DCAF10: variants seen among roughly 807,000 people sequenced by gnomAD.
DCAF10 encodes DDB1- and CUL4-associated factor 10.
Under a neutral mutation model 51.9 loss-of-function variants are expected in DCAF10, and 19 were observed. That is an observed-to-expected ratio of 0.37 (90% CI 0.26 to 0.54). The LOEUF is 0.54. DCAF10 is among the 20% of genes least tolerant of loss of function. The probability of loss-of-function intolerance (pLI) is 0.87; values close to 1 mark genes in which losing one functional copy is unlikely to be tolerated. For synonymous variants in DCAF10, 291 were observed against 297.1 expected, an observed-to-expected ratio of 0.98 and a Z score of 0.21; for missense variants, 510 against 730.6, an observed-to-expected ratio of 0.70 and a Z score of 3.48.
chr9:37,808,472 A>G (rs1227742646), intron 1 of DCAF10, among the ~76,000 whole-genome samples: 11 of 132,474 alleles, frequency 8.3e-5, no homozygotes, highest in African/African-American at 3.1e-4. Context: ...ATAATATAAA[A>G]TATATATTTA....
In DCAF10 at chr9:37,801,752, C is replaced by T. The variant is rs1564021405; in HGVS notation, c.539+347C>T. Reference sequence around the variant, plus strand: ...AGTAAATACATTTTGAATAAATGCCCGCTTTCTCCCCATCATCCTAGGCTC... The same window carrying T: ...AGTAAATACATTTTGAATAAATGCCTGCTTTCTCCCCATCATCCTAGGCTC... On this transcript the variant is annotated intron_variant, in intron 1 of 6. Transcript: ENST00000377724. This position sits in a 1 kb window ranked among gnomAD's most constrained non-coding sequence, Gnocchi z 5.5. Among the ~76,000 whole-genome samples the T allele has an allele frequency of 6.6e-6, 1 of 152,184 alleles. No individual in the cohort carries two copies. Among genetic ancestry groups the T allele is most frequent in the Non-Finnish European group, 1.5e-5 (1 of 68,038 alleles).
chr9:37,809,967 A>G (rs1242233506), intron 1 of DCAF10, among the ~76,000 whole-genome samples: 1 of 152,174 alleles, frequency 6.6e-6, no homozygotes, highest in Non-Finnish European at 1.5e-5. Context: ...CCTGGCTAAC[A>G]TGGTGAAACC....
rs550914416 is a variant in DCAF10 at position 37,801,233 on chromosome 9, C to T, written c.367C>T (p.Leu123=). The change falls in exon 1 of 7, where the codon CTG becomes TTG. Residue 123 remains leucine, a synonymous_variant. Transcript: ENST00000377724. The surrounding 1 kb of genome is among the most constrained non-coding windows in gnomAD (Gnocchi z 5.5). Reference sequence around the variant, plus strand: ...GGGCCTGGGCGGCCCTGGCGCTAGGCTGTTCGGGTGGCTGAAAGAGCGCAG... The same window carrying T: ...GGGCCTGGGCGGCCCTGGCGCTAGGTTGTTCGGGTGGCTGAAAGAGCGCAG... ...GAGLGGPGAR[L]FGWLKERSLG... The T allele has an allele frequency of 1.3e-4, 204 of 1,576,886 alleles. 2 individuals carry two copies. The South Asian group carries it at 2.2e-3, about 17-fold the overall frequency.
chr9:37,852,930 T>TATATATA (rs1830710395), intron 3 of DCAF10, among the ~76,000 whole-genome samples: 19 of 109,828 alleles, frequency 1.7e-4, no homozygotes, highest in Admixed American at 8.0e-4. Context: ...GTATGTGAGG[T>TATATATA]TATATATATA....
intron 1 of DCAF10, among the ~76,000 whole-genome samples, chr9:37,805,264 T>C (rs1829077896): frequency 6.6e-6 from 1 of 152,066 alleles, no homozygotes; most frequent in Non-Finnish European, 1.5e-5. Flanking sequence ...GGCGGATCAC[T>C]TGAGGTCAGG....
chr9:37,836,324 A>G, intron 2 of DCAF10: 1 of 1,609,214 alleles, frequency 6.2e-7, no homozygotes. Context: ...AGACACAATT[A>G]GAACAGTTAC....
chr9:37,855,113 C>T (rs1663868834), intron 4 of DCAF10, 131 bp downstream of exon 4: 1 of 787,098 alleles, frequency 1.3e-6, no homozygotes, highest in Non-Finnish European at 2.0e-6. Context: ...CTTTAGAAAG[C>T]TCATTGATGG....
At chr9:37,836,118 C>T (rs1830158593) in intron 2 of DCAF10, 3 of 1,307,480 alleles carry the variant, frequency 2.3e-6, no homozygotes, top group Admixed American at 1.7e-5. Context: ...TATTAAAGTA[C>T]ACGAACCTCC....
Position 37,857,574 on chromosome 9 carries a change from T to C in DCAF10, c.1165+223T>C, listed in dbSNP as rs530548061. 2.0e-5 allele frequency among the ~76,000 whole-genome samples: 3 copies of C among 152,322 alleles called. No homozygotes were observed. In the South Asian group the frequency reaches 6.2e-4, roughly 32 times the overall value. ...TAATAGAACTTGAGCTTTGGTTTTA[T>C]TAGCTGGACTTAGTTTGGTCTAGTT... On this transcript the variant is annotated intron_variant, in intron 5 of 6. Coordinates refer to ENST00000377724, the MANE Select transcript of DCAF10 (RefSeq NM_024345.5).
At chr9:37,834,791 G>T (rs201893222) in intron 2 of DCAF10, among the ~76,000 whole-genome samples, 4 of 130,226 alleles carry the variant, frequency 3.1e-5, no homozygotes, top group African/African-American at 9.5e-5. Context: ...TCTCAATCAC[G>T]TACTTTTTTT....
intron 3 of DCAF10, among the ~76,000 whole-genome samples, chr9:37,849,421 G>C (rs1830568257): frequency 6.6e-6 from 1 of 152,162 alleles, no homozygotes; most frequent in Admixed American, 6.5e-5. Flanking sequence ...TAAATGAATA[G>C]ATGTGGCTGT....
chr9:37,821,090 CATAT>C (rs144524647), intron 2 of DCAF10, among the ~76,000 whole-genome samples: 6 of 150,436 alleles, frequency 4.0e-5, no homozygotes, highest in Middle Eastern at 3.4e-3. Flanking sequence ...CATATACAAA[CATAT>C]ATATATATAT....
chr9:37,846,879 T>C (rs1050019169), intron 3 of DCAF10, among the ~76,000 whole-genome samples: 1 of 152,080 alleles, frequency 6.6e-6, no homozygotes, highest in African/African-American at 2.4e-5. Flanking sequence ...TTCCAGAATA[T>C]AGAGGAGACA....
chr9:37,813,903 G>A (rs1291693432), intron 1 of DCAF10, among the ~76,000 whole-genome samples: 1 of 151,262 alleles, frequency 6.6e-6, no homozygotes, highest in African/African-American at 2.4e-5. Context: ...ATGTATAGAG[G>A]AAAATCTTAG....
intron 1 of DCAF10, among the ~76,000 whole-genome samples, chr9:37,811,044 A>G (rs1456203743): frequency 6.6e-6 from 1 of 152,168 alleles, no homozygotes; most frequent in East Asian, 1.9e-4. Context: ...AGAAGAAAAT[A>G]TGCAGCTGAG....
chr9:37,846,580 C>T (rs1422137939), intron 3 of DCAF10, among the ~76,000 whole-genome samples: 1 of 152,028 alleles, frequency 6.6e-6, no homozygotes, highest in African/African-American at 2.4e-5. Context: ...CCTCAGCCTC[C>T]TAAGTAGCTG....
At chr9:37,836,185 G>C (rs1003318884) in intron 2 of DCAF10, 2 of 1,458,674 alleles carry the variant, frequency 1.4e-6, no homozygotes, top group South Asian at 2.3e-5. Flanking sequence ...AAGAAGCACG[G>C]AGTTCAGTAT....
chr9:37,839,849 G>A (rs1430201280), intron 2 of DCAF10, among the ~76,000 whole-genome samples: 2 of 152,194 alleles, frequency 1.3e-5, no homozygotes, highest in African/African-American at 4.8e-5. Context: ...GCTAGGCAGT[G>A]AACTTCTCTT....
intron 1 of DCAF10, among the ~76,000 whole-genome samples, chr9:37,807,236 C>G (rs1293008123): frequency 6.6e-6 from 1 of 152,094 alleles, no homozygotes; most frequent in Admixed American, 6.6e-5. Flanking sequence ...AATCCTAGCA[C>G]TTTGGGAGGC....
Sources: gnomAD v4.1 joint callset for allele counts (sites outside exome capture counted in the v4.1 genomes callset) on GRCh38, gnomAD v4.1.1 for gene constraint, Gnocchi (gnomAD v3.1) non-coding constraint, MANE v1.5 for transcripts, NCBI Gene and HGNC (gene_info 2026-07-23, HGNC 2026-07-21) for gene names.